RSPO2: variants seen among roughly 807,000 people sequenced by gnomAD.
RSPO2 encodes R-spondin 2, also known as R-spondin-2.
RSPO2 carries 14 observed loss-of-function variants against 30.9 expected under a neutral mutation model. That is an observed-to-expected ratio of 0.45 (90% CI 0.30 to 0.71). RSPO2 has a LOEUF of 0.71. Among genes scored for constraint, RSPO2 ranks in the 30% least tolerant of loss-of-function variants. The pLI is 0.08. For missense variants in RSPO2, 264 were observed against 301.9 expected, an observed-to-expected ratio of 0.87 and a Z score of 0.93; for synonymous variants, 107 against 96.4, an observed-to-expected ratio of 1.11 and a Z score of -0.64.
At chr8:107,927,682 T>G (rs1356785873) in intron 5 of RSPO2, among the ~76,000 whole-genome samples, 1 of 152,232 alleles carries the variant, frequency 6.6e-6, no homozygotes, top group Non-Finnish European at 1.5e-5. Context: ...TGGTTCCGTT[T>G]ATATGCTGGA....
At chr8:108,031,186 T>C (rs963296526) in intron 2 of RSPO2, among the ~76,000 whole-genome samples, 2 of 152,230 alleles carry the variant, frequency 1.3e-5, no homozygotes, top group African/African-American at 2.4e-5. Flanking sequence ...CATGGTGTTA[T>C]AGGCTTGAAC....
chr8:108,013,325 G>A (rs1337529954), intron 2 of RSPO2, among the ~76,000 whole-genome samples: 2 of 152,110 alleles, frequency 1.3e-5, no homozygotes, highest in African/African-American at 2.4e-5. Context: ...TCATCAGCCT[G>A]TTTCTGTTTC....
chr8:107,992,202 C>CACACACACACACACACAT, intron 2 of RSPO2, among the ~76,000 whole-genome samples: 1 of 151,880 alleles, frequency 6.6e-6, no homozygotes, highest in African/African-American at 2.4e-5. Context: ...CACACACACA[C>CACACACACACACACACAT]ACCATGGAAT....
chr8:108,026,952 G>A (rs930894660), intron 2 of RSPO2, among the ~76,000 whole-genome samples: 3 of 152,160 alleles, frequency 2.0e-5, no homozygotes, highest in Non-Finnish European at 2.9e-5. Flanking sequence ...AAAGTCTGAA[G>A]TTATTTCAAA....
intron 3 of RSPO2, among the ~76,000 whole-genome samples, chr8:107,981,307 T>G (rs2130501531): frequency 6.6e-6 from 1 of 152,222 alleles, no homozygotes; most frequent in African/African-American, 2.4e-5. Context: ...TTTCCTGAGC[T>G]TAGGAGTTCG....
At chr8:107,944,748 T>A (rs1300352707) in intron 5 of RSPO2, among the ~76,000 whole-genome samples, 1 of 152,184 alleles carries the variant, frequency 6.6e-6, no homozygotes, top group Admixed American at 6.5e-5. Context: ...AGCACTTTAG[T>A]TTCCAGTCTG....
chr8:108,013,302 ACT>A (rs1810766016), intron 2 of RSPO2, among the ~76,000 whole-genome samples: 1 of 152,090 alleles, frequency 6.6e-6, no homozygotes. Flanking sequence ...CTTTTCCACC[ACT>A]GTTAATAAAT....
intron 3 of RSPO2, among the ~76,000 whole-genome samples, chr8:107,971,211 A>G (rs1319118961): frequency 6.6e-6 from 1 of 152,250 alleles, no homozygotes; most frequent in Non-Finnish European, 1.5e-5. Flanking sequence ...CTCACTTACA[A>G]GAACTACCAA....
chr8:107,915,166 A>G (rs1811940915), intron 5 of RSPO2, among the ~76,000 whole-genome samples: 1 of 152,204 alleles, frequency 6.6e-6, no homozygotes, highest in African/African-American at 2.4e-5. Context: ...AAGACAGTTT[A>G]CTTCTACATA....
intron 2 of RSPO2, among the ~76,000 whole-genome samples, chr8:108,059,904 A>G (rs1225212284): frequency 6.7e-6 from 1 of 149,940 alleles, no homozygotes; most frequent in Non-Finnish European, 1.5e-5. Context: ...CTAATGCTAA[A>G]TGACAAGTTA....
At chr8:107,926,685 T>G (rs1812386589) in intron 5 of RSPO2, among the ~76,000 whole-genome samples, 1 of 152,190 alleles carries the variant, frequency 6.6e-6, no homozygotes, top group African/African-American at 2.4e-5. Context: ...TTCTCAGGTT[T>G]GTCAAAGATC....
At chr8:108,017,960 A>G (rs1810946777) in intron 2 of RSPO2, among the ~76,000 whole-genome samples, 1 of 152,222 alleles carries the variant, frequency 6.6e-6, no homozygotes, top group Non-Finnish European at 1.5e-5. Flanking sequence ...TGCTACCAAA[A>G]TAAAAGCTTT....
intron 2 of RSPO2, among the ~76,000 whole-genome samples, chr8:108,016,156 C>T (rs1008459452): frequency 2.0e-5 from 3 of 152,140 alleles, no homozygotes; most frequent in Non-Finnish European, 4.4e-5. Flanking sequence ...AAATAGTCAA[C>T]TGCAAAGCAG....
chr8:108,058,582 A>C (rs1231113840), intron 2 of RSPO2, among the ~76,000 whole-genome samples: 1 of 151,588 alleles, frequency 6.6e-6, no homozygotes, highest in African/African-American at 2.4e-5. Flanking sequence ...GCATCACACT[A>C]CCTGACTTCA....
intron 2 of RSPO2, among the ~76,000 whole-genome samples, chr8:108,023,422 C>A (rs148193663): frequency 6.6e-6 from 1 of 152,258 alleles, no homozygotes; most frequent in East Asian, 1.9e-4. Context: ...GTCAAGGAAA[C>A]CCGAGTTCAA....
chr8:108,017,554 C>T (rs1443860079), intron 2 of RSPO2, among the ~76,000 whole-genome samples: 1 of 152,006 alleles, frequency 6.6e-6, no homozygotes, highest in African/African-American at 2.4e-5. Flanking sequence ...GCAATAAAAG[C>T]ATGTTATGGA....
intron 5 of RSPO2, among the ~76,000 whole-genome samples, chr8:107,903,851 G>C (rs1417688489): frequency 3.3e-5 from 5 of 152,018 alleles, no homozygotes; most frequent in African/African-American, 1.2e-4. Context: ...AAGATGGTTA[G>C]CCAAGATTTG....
At chr8:107,990,341 C>T (rs754491913) in intron 2 of RSPO2, among the ~76,000 whole-genome samples, 11 of 152,048 alleles carry the variant, frequency 7.2e-5, no homozygotes, top group South Asian at 2.1e-4. Context: ...TAAAATGAGA[C>T]GCAACTTCAG....
At chr8:107,998,506 A>G (rs1022203347) in intron 2 of RSPO2, among the ~76,000 whole-genome samples, 1 of 152,226 alleles carries the variant, frequency 6.6e-6, no homozygotes, top group Admixed American at 6.5e-5. Flanking sequence ...TATCAAACCC[A>G]GTAGTCCGAT....
Sources: allele counts gnomAD v4.1 joint callset (sites outside exome capture counted in the v4.1 genomes callset), GRCh38; gene constraint gnomAD v4.1.1; transcripts MANE v1.5; gene names NCBI Gene and HGNC (gene_info 2026-07-23, HGNC 2026-07-21).